NRXN1: variants seen among roughly 807,000 people sequenced by gnomAD.
NRXN1 encodes neurexin 1, also known as neurexin-1.
Under a neutral mutation model 150.9 loss-of-function variants are expected in NRXN1, and 39 were observed. The ratio of observed to expected loss-of-function variants is 0.26; its 90% confidence interval spans 0.20 to 0.34. The LOEUF (loss-of-function observed/expected upper bound fraction) is 0.34, where lower values mean the gene tolerates loss of function less well. Among genes scored for constraint, NRXN1 ranks in the 10% least tolerant of loss-of-function variants. The probability of loss-of-function intolerance (pLI) is 1.00; values close to 1 mark genes in which losing one functional copy is unlikely to be tolerated. For missense variants in NRXN1, 1,815 were observed against 1,949.9 expected, an observed-to-expected ratio of 0.93 and a Z score of 1.30; for synonymous variants, 924 against 757.0, an observed-to-expected ratio of 1.22 and a Z score of -3.62.
chr2:51,028,174 G>T lies in NRXN1; in HGVS notation c.100C>A (p.Pro34Thr). The T allele has an allele frequency of 6.6e-7, 1 of 1,515,684 alleles. No homozygotes were observed. Among genetic ancestry groups the T allele is most frequent in the Non-Finnish European group, 8.8e-7 (1 of 1,135,664 alleles). 93.9% of individuals were successfully genotyped at this position (1,515,684 alleles called of 1,614,324 possible). Reference sequence around the variant, plus strand: ...CGCGTCCATTGGCCCTCGGCGCCCGGAAACTCCAGCCCGCTGCCCAGCTCC... The same window carrying T: ...CGCGTCCATTGGCCCTCGGCGCCCGTAAACTCCAGCCCGCTGCCCAGCTCC... Reference protein sequence around the residue: ...WAELGSGLEFPGAEGQWTRFP... With the variant: ...WAELGSGLEFTGAEGQWTRFP... The change falls in exon 2 of 23, where the codon CCG becomes ACG. Residue 34 changes from proline to threonine, a missense_variant. Pro to Thr is a conservative substitution (Grantham distance 38). This residue lies in a region of NRXN1 where 554 missense variants were observed against 478.8 expected (regional missense o/e 1.16). Transcript: ENST00000401669.
chr2:50,814,834 T>G (rs1004337252), intron 5 of NRXN1, among the ~76,000 whole-genome samples: 3 of 152,180 alleles, frequency 2.0e-5, no homozygotes, highest in Non-Finnish European at 4.4e-5. Context: ...TTTTCCTTAC[T>G]TAGCATTGCA....
intron 5 of NRXN1, among the ~76,000 whole-genome samples, chr2:50,874,311 A>G (rs1391338381): frequency 1.3e-5 from 2 of 151,990 alleles, no homozygotes; most frequent in East Asian, 2.0e-4. Flanking sequence ...ACACATACAT[A>G]TATCATACTA....
intron 2 of NRXN1, among the ~76,000 whole-genome samples, chr2:50,974,833 CCCA>C (rs1222248403): frequency 2.0e-5 from 3 of 152,218 alleles, no homozygotes; most frequent in Admixed American, 2.0e-4. Flanking sequence ...CCCACACACT[CCCA>C]CGACTCATAA....
At chr2:50,564,639 T>C (rs1346710348) in intron 8 of NRXN1, among the ~76,000 whole-genome samples, 3 of 152,218 alleles carry the variant, frequency 2.0e-5, no homozygotes, top group Admixed American at 2.0e-4. Context: ...TAGCTTATAC[T>C]GGGTGGACTA....
chr2:50,791,555 T>C (rs1706051952), intron 5 of NRXN1, among the ~76,000 whole-genome samples: 1 of 152,130 alleles, frequency 6.6e-6, no homozygotes, highest in Non-Finnish European at 1.5e-5. Context: ...GTCTTTAGTA[T>C]GTACTCCTAA....
At chr2:50,167,113 G>A (rs990645253) in intron 18 of NRXN1, among the ~76,000 whole-genome samples, 15 of 152,090 alleles carry the variant, frequency 9.9e-5, no homozygotes, top group Non-Finnish European at 1.8e-4. Context: ...GAAAAGTGGG[G>A]TTCATGTTAA....
intron 5 of NRXN1, among the ~76,000 whole-genome samples, chr2:50,781,548 T>G (rs1704350099): frequency 6.6e-6 from 1 of 152,190 alleles, no homozygotes; most frequent in Non-Finnish European, 1.5e-5. Context: ...GGTTCCAAAC[T>G]TAGCCTTACC....
chr2:50,674,098 A>T (rs1689223005), intron 5 of NRXN1, among the ~76,000 whole-genome samples: 1 of 151,708 alleles, frequency 6.6e-6, no homozygotes, highest in South Asian at 2.1e-4. Flanking sequence ...AAAGTATAAT[A>T]AAAAAAAGGA....
intron 18 of NRXN1, among the ~76,000 whole-genome samples, chr2:50,159,552 G>C (rs1279737772): frequency 6.6e-6 from 1 of 152,150 alleles, no homozygotes; most frequent in African/African-American, 2.4e-5. Context: ...AAATAAGCAT[G>C]CTTATGTCAT....
At chr2:50,376,575 A>G (rs911091268) in intron 17 of NRXN1, among the ~76,000 whole-genome samples, 3 of 152,272 alleles carry the variant, frequency 2.0e-5, no homozygotes, top group Admixed American at 1.3e-4. Context: ...TTGCTCAGAA[A>G]GGTATGAGCA....
chr2:50,137,232 A>G (rs2152754858), intron 18 of NRXN1, among the ~76,000 whole-genome samples: 1 of 152,272 alleles, frequency 6.6e-6, no homozygotes, highest in South Asian at 2.1e-4. Flanking sequence ...CAATTATAAA[A>G]AGCCTATGTT....
chr2:50,423,672 C>T (rs1165675995), intron 17 of NRXN1, among the ~76,000 whole-genome samples: 1 of 151,656 alleles, frequency 6.6e-6, no homozygotes, highest in Non-Finnish European at 1.5e-5. Context: ...GATAACCCAC[C>T]CACCAAGAGC....
chr2:50,207,101 C>A (rs2062654823), intron 18 of NRXN1, among the ~76,000 whole-genome samples: 1 of 152,026 alleles, frequency 6.6e-6, no homozygotes, highest in South Asian at 2.1e-4. Context: ...ATCTAAAATT[C>A]AGCAGGGACT....
At chr2:50,990,574 T>C (rs1698398432) in intron 2 of NRXN1, among the ~76,000 whole-genome samples, 1 of 151,978 alleles carries the variant, frequency 6.6e-6, no homozygotes, top group Admixed American at 6.6e-5. Flanking sequence ...AGTGACACAG[T>C]TTTTGGTTCT....
At chr2:50,687,738 G>C (rs534343972) in intron 5 of NRXN1, among the ~76,000 whole-genome samples, 1 of 152,326 alleles carries the variant, frequency 6.6e-6, no homozygotes, top group African/African-American at 2.4e-5. Context: ...TTAGGGTTGA[G>C]GTTGTTGTGA....
chr2:50,559,620 C>T (rs900449922), intron 8 of NRXN1, among the ~76,000 whole-genome samples: 1 of 152,118 alleles, frequency 6.6e-6, no homozygotes, highest in African/African-American at 2.4e-5. Context: ...CATAGACACA[C>T]ACCTACACAC....
chr2:50,126,181 G>T (rs550623061), intron 18 of NRXN1, among the ~76,000 whole-genome samples: 1 of 152,234 alleles, frequency 6.6e-6, no homozygotes, highest in South Asian at 2.1e-4. Context: ...TACAGAAATT[G>T]AGATATTAGG....
intron 17 of NRXN1, among the ~76,000 whole-genome samples, chr2:50,322,917 G>A (rs1467200557): frequency 1.3e-5 from 2 of 151,994 alleles, no homozygotes; most frequent in Non-Finnish European, 2.9e-5. Flanking sequence ...TCTCCTAACT[G>A]TAAAATAATT....
At chr2:50,789,994 ATC>A in intron 5 of NRXN1, among the ~76,000 whole-genome samples, 1 of 152,242 alleles carries the variant, frequency 6.6e-6, no homozygotes, top group Non-Finnish European at 1.5e-5. Context: ...ATCTCAGTTT[ATC>A]TCTGTCAGTG....
Sources: allele counts gnomAD v4.1 joint callset (sites outside exome capture counted in the v4.1 genomes callset), GRCh38; gene constraint gnomAD v4.1.1; regional missense constraint gnomAD v4.1.1; transcripts MANE v1.5; gene names NCBI Gene and HGNC (gene_info 2026-07-23, HGNC 2026-07-21).